DCDC1: variants seen among roughly 807,000 people sequenced by gnomAD.
DCDC1 encodes the protein doublecortin domain containing 1.
Under a neutral mutation model 178.3 loss-of-function variants are expected in DCDC1, and 200 were observed. The observed-to-expected ratio is 1.12, with a 90% CI of 1.00 to 1.26. The LOEUF (loss-of-function observed/expected upper bound fraction) is 1.26, where lower values mean the gene tolerates loss of function less well. Ranked by LOEUF, DCDC1 falls within the 50% of genes most tolerant of loss-of-function variation. DCDC1 has a pLI of 0.00. For synonymous variants in DCDC1, 690 were observed against 604.8 expected, an observed-to-expected ratio of 1.14 and a Z score of -2.07; for missense variants, 1,983 against 1,749.2, an observed-to-expected ratio of 1.13 and a Z score of -2.38.
chr11:30,899,210 A>C (rs1202233742), intron 34 of DCDC1, among the ~76,000 whole-genome samples: 2 of 152,130 alleles, frequency 1.3e-5, no homozygotes, highest in Non-Finnish European at 2.9e-5. Context: ...ATTAATTCTG[A>C]AGCCCACAAA....
chr11:31,251,198 G>A (rs775825021), intron 8 of DCDC1, among the ~76,000 whole-genome samples: 58 of 152,142 alleles, frequency 3.8e-4, no homozygotes, highest in Non-Finnish European at 3.7e-4. Context: ...TAACTGCCAA[G>A]TCGTTTTATT....
intron 17 of DCDC1, among the ~76,000 whole-genome samples, chr11:31,087,194 C>T (rs2135627236): frequency 6.6e-6 from 1 of 152,196 alleles, no homozygotes; most frequent in East Asian, 1.9e-4. Context: ...CCCTTATCAT[C>T]CCTTTAATAA....
intron 21 of DCDC1, among the ~76,000 whole-genome samples, chr11:30,950,473 G>A (rs191515251): frequency 3.4e-4 from 52 of 152,258 alleles, no homozygotes; most frequent in Admixed American, 9.2e-4. Context: ...ATCAACAGAT[G>A]AATGGACAAA....
At chr11:31,150,899 A>G (rs1283447130) in intron 9 of DCDC1, among the ~76,000 whole-genome samples, 1 of 152,220 alleles carries the variant, frequency 6.6e-6, no homozygotes, top group African/African-American at 2.4e-5. Context: ...TCAAAAAAAG[A>G]ATGTAGTGTA....
In DCDC1 at chr11:31,250,430, G is replaced by GCACACACA. The variant is rs1565496619; in HGVS notation, c.1055-8815_1055-8814insTGTGTGTG. Among the ~76,000 whole-genome samples the GCACACACA allele has an allele frequency of 1.1e-4, 9 of 84,866 alleles. 1 individual carries two copies. The highest frequency in any genetic ancestry group is 1.9e-4 in the African/African-American group (4 of 21,562). 55.7% of individuals were successfully genotyped at this position (84,866 alleles called of 152,430 possible). A position where few individuals can be genotyped will look rare whatever the true frequency, so the allele number is the denominator to read the frequency against. On this transcript the variant is annotated intron_variant, in intron 8 of 38. Coordinates refer to ENST00000684477, the MANE Select transcript of DCDC1 (RefSeq NM_001387274.1). The stretch of plus-strand genomic sequence containing the variant: ...CACACACACACATATACATATATAT[G>GCACACACA]TATATATATATATATCCCTGCCTGG...
chr11:31,006,343 CT>C (rs1173854012), intron 20 of DCDC1, among the ~76,000 whole-genome samples: 1 of 152,090 alleles, frequency 6.6e-6, no homozygotes, highest in East Asian at 1.9e-4. Context: ...AGTTGTAAGC[CT>C]TCAGTCTTCC....
intron 1 of DCDC1, among the ~76,000 whole-genome samples, chr11:31,348,708 C>G (rs1490123900): frequency 6.6e-6 from 1 of 152,120 alleles, no homozygotes; most frequent in Non-Finnish European, 1.5e-5. Flanking sequence ...ATATAAGTTG[C>G]TGCCACACTC....
chr11:31,106,134 T>C (rs970299910), intron 13 of DCDC1, among the ~76,000 whole-genome samples: 1 of 152,184 alleles, frequency 6.6e-6, no homozygotes, highest in Admixed American at 6.6e-5. Context: ...GATAATTTTA[T>C]GCAGGAATTT....
Position 31,328,128 on chromosome 11 carries a change from A to G in DCDC1, c.153T>C (p.Asn51=), listed in dbSNP as rs772145360. 4 of 1,601,912 alleles carry G rather than the reference A, an allele frequency of 2.5e-6. No individual in the cohort carries two copies. The highest frequency in any genetic ancestry group is 1.3e-5 in the African/African-American group (1 of 74,798). The change falls in exon 3 of 39, where the codon AAT becomes AAC. Residue 51 remains asparagine (N), a synonymous_variant. Transcript: ENST00000684477. ...TVNPIYKYIL[N]DLPREFMSSQ... ...AATAATGTTCTTACCTTGGTAAATC[A>G]TTCAAAATATATTTGTAAATTGGGT...
chr11:31,247,994 T>TATGTGGCC (rs1484976333), intron 8 of DCDC1, among the ~76,000 whole-genome samples: 1 of 152,110 alleles, frequency 6.6e-6, no homozygotes, highest in Non-Finnish European at 1.5e-5. Context: ...AGTCAATTTT[T>TATGTGGCC]ATGTGGCCAT....
chr11:31,329,332 C>A (rs1331378492), intron 2 of DCDC1, among the ~76,000 whole-genome samples: 1 of 152,090 alleles, frequency 6.6e-6, no homozygotes, highest in African/African-American at 2.4e-5. Context: ...TCTTTAGTTT[C>A]CTACGTACAT....
chr11:31,135,655 T>C (rs923717886), intron 10 of DCDC1, among the ~76,000 whole-genome samples: 1 of 152,146 alleles, frequency 6.6e-6, no homozygotes, highest in African/African-American at 2.4e-5. Context: ...TACACATACA[T>C]GAATATGTAT....
chr11:31,110,978 GA>G (rs34133645), intron 11 of DCDC1, among the ~76,000 whole-genome samples: 37,953 of 150,430 alleles, frequency 0.25, 7,151 homozygotes, highest in African/African-American at 0.53. Flanking sequence ...ACTCGCTGGG[GA>G]AAAAAAAAAA....
At chr11:31,035,176 G>A (rs529111765) in intron 20 of DCDC1, among the ~76,000 whole-genome samples, 2 of 152,296 alleles carry the variant, frequency 1.3e-5, no homozygotes, top group East Asian at 3.9e-4. Flanking sequence ...AAATAGTACA[G>A]AGTTCCCATA....
intron 38 of DCDC1, among the ~76,000 whole-genome samples, chr11:30,875,624 T>G (rs1248279931): frequency 6.6e-6 from 1 of 152,084 alleles, no homozygotes; most frequent in African/African-American, 2.4e-5. Flanking sequence ...TATTGAAGGT[T>G]AGCTCACAAA....
chr11:31,001,122 A>T (rs1951551105), intron 20 of DCDC1, among the ~76,000 whole-genome samples: 1 of 152,156 alleles, frequency 6.6e-6, no homozygotes, highest in African/African-American at 2.4e-5. Flanking sequence ...ACCATAAGAA[A>T]GAGCTCCTCT....
At chr11:30,932,040 C>CCTG in intron 21 of DCDC1, 88 bp from the exon 22 acceptor site, 1 of 1,266,714 alleles carries the variant, frequency 7.9e-7, no homozygotes, top group Admixed American at 3.3e-5. Context: ...CAGTTTATAC[C>CCTG]TTTAATCTCT....
chr11:31,093,631 A>C (rs1354187674), intron 16 of DCDC1, among the ~76,000 whole-genome samples: 2 of 152,194 alleles, frequency 1.3e-5, no homozygotes, highest in Non-Finnish European at 2.9e-5. Flanking sequence ...ATTTCTTTTA[A>C]AACTACGTCC....
At chr11:31,067,176 A>C (rs941044154) in intron 18 of DCDC1, among the ~76,000 whole-genome samples, 6 of 152,130 alleles carry the variant, frequency 3.9e-5, no homozygotes, top group Admixed American at 2.0e-4. Context: ...AATGAGACAA[A>C]ATATTTTCAG....
Sources: gnomAD v4.1 joint callset for allele counts (sites outside exome capture counted in the v4.1 genomes callset) on GRCh38, gnomAD v4.1.1 for gene constraint, MANE v1.5 for transcripts, NCBI Gene and HGNC (gene_info 2026-07-23, HGNC 2026-07-21) for gene names.